COP1: variants seen among roughly 807,000 people sequenced by gnomAD.
The protein encoded by COP1 is E3 ubiquitin-protein ligase COP1.
COP1 carries 24 observed loss-of-function variants against 101.3 expected under a neutral mutation model. The ratio of observed to expected loss-of-function variants is 0.24; its 90% CI spans 0.17 to 0.33. The LOEUF (loss-of-function observed/expected upper bound fraction) is 0.33. Ranked by LOEUF, COP1 falls within the 10% of genes least tolerant of loss-of-function variation. The pLI is 1.00. For missense variants in COP1, 663 were observed against 906.2 expected (o/e 0.73, Z 3.45); for synonymous variants, 347 against 341.9 (o/e 1.01, Z -0.17).
chr1:176,062,886 G>A (rs1167241141), intron 11 of COP1, among the ~76,000 whole-genome samples: 1 of 152,034 alleles, frequency 6.6e-6, no homozygotes. Flanking sequence ...AAATAAGCTA[G>A]ACACAAAAGA....
chr1:176,111,515 G>A (rs1437488341), intron 9 of COP1, among the ~76,000 whole-genome samples: 2 of 151,996 alleles, frequency 1.3e-5, no homozygotes, highest in African/African-American at 4.8e-5. Context: ...GGATGGTTTC[G>A]ATCTCTTGAC....
intron 9 of COP1, among the ~76,000 whole-genome samples, chr1:176,089,299 TAACAACAACAAC>T (rs143549335): frequency 6.6e-5 from 10 of 150,600 alleles, no homozygotes; most frequent in Middle Eastern, 3.4e-3. Context: ...TCTAAAACAA[TAACAACAACAAC>T]AACAACAACA....
intron 13 of COP1, 102 bp downstream of exon 13, chr1:176,043,604 CTAAA>C: frequency 2.7e-6 from 2 of 735,846 alleles, no homozygotes; most frequent in South Asian, 1.7e-5. Flanking sequence ...ATAAAAAATA[CTAAA>C]TAGTGACTTC....
intron 14 of COP1, among the ~76,000 whole-genome samples, chr1:176,035,710 CAAAAAAAAAAAA>C (rs71129541): frequency 1.2e-4 from 9 of 73,106 alleles, no homozygotes; most frequent in Non-Finnish European, 7.5e-5. Flanking sequence ...AAAACGAGAC[CAAAAAAAAAAAA>C]AAAAAAAAAA....
chr1:176,071,100 G>A (rs1195370356), intron 11 of COP1, among the ~76,000 whole-genome samples: 1 of 152,194 alleles, frequency 6.6e-6, no homozygotes, highest in Non-Finnish European at 1.5e-5. Context: ...CCATAATGCT[G>A]GAGGTAGGGC....
chr1:176,000,656 C>T (rs1661383425), intron 15 of COP1, among the ~76,000 whole-genome samples: 1 of 151,832 alleles, frequency 6.6e-6, no homozygotes, highest in Non-Finnish European at 1.5e-5. Flanking sequence ...AAATCCAAAA[C>T]ACATCTGGTT....
In COP1 at chr1:176,202,584, G is replaced by A. The variant is rs569973263; in HGVS notation, c.407+3988C>T. ...GTGGTGGCACCCGTCTCTAATCCCC[G>A]CTGCTTGAGAGGCTAAGACATGAAG... is the stretch of plus-strand genomic sequence containing the variant. On this transcript the variant is annotated intron_variant, in intron 1 of 19. Coordinates refer to ENST00000367669, the MANE Select transcript of COP1 (RefSeq NM_022457.7). 2.0e-3 allele frequency among the ~76,000 whole-genome samples: 298 copies of A among 151,736 alleles called. 1 individual carries two copies. The highest frequency in any genetic ancestry group is 7.1e-3 in the African/African-American group (292 of 41,372).
In COP1 at chr1:176,207,045, T is replaced by C. The variant is rs992794874; in HGVS notation, c.-67A>G. The C allele has an allele frequency of 8.0e-7, 1 of 1,257,064 alleles. No individual in the cohort carries two copies. Among genetic ancestry groups the C allele is most frequent in the South Asian group, 2.0e-5 (1 of 49,848 alleles). 77.9% of individuals were successfully genotyped at this position (1,257,064 alleles called of 1,614,324 possible). ...ACCGCGACCTCGACCCTCCGCCGCC[T>C]CCCCTCCCCTCAGCCTCAGTGCATC... On this transcript the variant is annotated 5_prime_UTR_variant, in exon 1 of 20. Coordinates refer to ENST00000367669, the MANE Select transcript of COP1 (RefSeq NM_022457.7).
intron 15 of COP1, among the ~76,000 whole-genome samples, chr1:176,004,987 T>C (rs545231653): frequency 1.3e-5 from 2 of 152,082 alleles, no homozygotes; most frequent in African/African-American, 4.8e-5. Flanking sequence ...GGTCCTGGAC[T>C]CTTTTTGGTT....
chr1:175,947,558 C>T (rs997949660), intron 18 of COP1, among the ~76,000 whole-genome samples: 27 of 151,878 alleles, frequency 1.8e-4, no homozygotes, highest in African/African-American at 4.1e-4. Context: ...TTAGTAGAGA[C>T]GGGGATTCTC....
intron 7 of COP1, among the ~76,000 whole-genome samples, chr1:176,136,164 T>A (rs1309480755): frequency 6.6e-6 from 1 of 152,052 alleles, no homozygotes; most frequent in East Asian, 1.9e-4. Flanking sequence ...GTAAAAGTTA[T>A]TAATAAAAAA....
At chr1:176,103,829 G>A (rs1287183621) in intron 9 of COP1, among the ~76,000 whole-genome samples, 1 of 152,048 alleles carries the variant, frequency 6.6e-6, no homozygotes, top group Non-Finnish European at 1.5e-5. Context: ...GTTAAAATCA[G>A]TATCATAAAG....
intron 8 of COP1, among the ~76,000 whole-genome samples, chr1:176,128,097 A>G (rs780530179): frequency 6.6e-6 from 1 of 152,022 alleles, no homozygotes; most frequent in African/African-American, 2.4e-5. Flanking sequence ...GAGTATTTGT[A>G]TATTTTGTTC....
At chr1:176,047,844 G>A (rs1221389679) in intron 11 of COP1, among the ~76,000 whole-genome samples, 3 of 152,152 alleles carry the variant, frequency 2.0e-5, no homozygotes, top group African/African-American at 7.2e-5. Context: ...AGAGACCGAG[G>A]TGGGAGGATC....
intron 18 of COP1, among the ~76,000 whole-genome samples, chr1:175,980,510 C>T (rs7539247): frequency 0.68 from 104,073 of 152,044 alleles, 37,003 homozygotes; most frequent in East Asian, 0.92. Context: ...AGTATTACAG[C>T]ATAGTTGATA....
chr1:176,120,346 G>A (rs967128284), intron 8 of COP1, among the ~76,000 whole-genome samples: 1 of 150,842 alleles, frequency 6.6e-6, no homozygotes, highest in African/African-American at 2.4e-5. Flanking sequence ...CTTGAACCCA[G>A]GAGGCGGAGG....
chr1:176,035,422 T>C (rs942963311), intron 14 of COP1, among the ~76,000 whole-genome samples: 7 of 151,756 alleles, frequency 4.6e-5, no homozygotes, highest in African/African-American at 1.2e-4. Flanking sequence ...AAGGGTCTAA[T>C]ACACTAACAT....
In COP1 at chr1:175,962,973, A is replaced by AT. The variant is rs200472979; in HGVS notation, c.2134-15735dup. On this transcript the variant is annotated intron_variant, in intron 18 of 19. Transcript: ENST00000367669. ...TATAATGAAACATCGTCAAATAAAC[A>AT]TTTTTTTTAATATGTGAGGGCAAAC... Among the ~76,000 whole-genome samples the AT allele has an allele frequency of 2.7e-3, 414 of 152,148 alleles. 3 individuals carry two copies. The highest frequency in any genetic ancestry group is 9.3e-3 in the African/African-American group (387 of 41,516).
chr1:176,113,335 T>C lies in COP1; in HGVS notation c.1026+3289A>G, dbSNP rs1171138263. Reference sequence around the variant, plus strand: ...TTTACATATACCTATTGACCACTTGTATATCTTCTTTTGAAAATGTCTATT... The same window carrying C: ...TTTACATATACCTATTGACCACTTGCATATCTTCTTTTGAAAATGTCTATT... On this transcript the variant is annotated intron_variant, in intron 9 of 19. Coordinates refer to ENST00000367669, the MANE Select transcript of COP1 (RefSeq NM_022457.7). Among the ~76,000 whole-genome samples the C allele has an allele frequency of 3.9e-5, 6 of 152,250 alleles. No individual in the cohort carries two copies. In the South Asian group the frequency reaches 1.2e-3, roughly 32 times the overall value.
Sources: gnomAD v4.1 joint callset for allele counts (sites outside exome capture counted in the v4.1 genomes callset) on GRCh38, gnomAD v4.1.1 for gene constraint, MANE v1.5 for transcripts, NCBI Gene and HGNC (gene_info 2026-07-23, HGNC 2026-07-21) for gene names.